Variants in NUP214 observed in about 807,000 individuals in gnomAD.
NUP214 encodes the protein nucleoporin 214, also known as nuclear pore complex protein Nup214.
A neutral mutation model predicts 196.2 loss-of-function variants in NUP214; 79 were observed. The observed-to-expected ratio is 0.40, with a 90% CI of 0.34 to 0.49. The LOEUF (loss-of-function observed/expected upper bound fraction) is 0.49. Among genes scored for constraint, NUP214 ranks in the 20% least tolerant of loss-of-function variants. NUP214 has a pLI of 0.58. For synonymous variants in NUP214, 1,020 were observed against 990.5 expected, an observed-to-expected ratio of 1.03 and a Z score of -0.56; for missense variants, 2,468 against 2,539.0, an observed-to-expected ratio of 0.97 and a Z score of 0.60.
chr9:131,159,197 A>G (rs1832550032), intron 17 of NUP214, 186 bp from the exon 18 acceptor site: 1 of 585,770 alleles, frequency 1.7e-6, no homozygotes, highest in South Asian at 2.1e-5. Flanking sequence ...TATAGGCCTG[A>G]GCCACTACAC....
intron 7 of NUP214, among the ~76,000 whole-genome samples, chr9:131,134,144 C>T (rs1303233064): frequency 1.3e-5 from 2 of 152,106 alleles, no homozygotes; most frequent in Admixed American, 1.3e-4. Context: ...TAGGGTCTTG[C>T]TTTGTTGCCC....
chr9:131,135,431 G>A (rs1831694384), intron 8 of NUP214, among the ~76,000 whole-genome samples: 1 of 152,112 alleles, frequency 6.6e-6, no homozygotes, highest in Non-Finnish European at 1.5e-5. Context: ...ATTTTCAGCT[G>A]ATTCTTGATA....
At chr9:131,193,624 CTTTTCTTTTTTTTTTTTTT>C (rs1833677136) in intron 27 of NUP214, among the ~76,000 whole-genome samples, 2 of 17,658 alleles carry the variant, frequency 1.1e-4, no homozygotes, top group Admixed American at 9.1e-4. Context: ...ATTCTTCTTC[CTTTTCTTTTTTTTTTTTTT>C]TTTTTTTTTT....
Position 131,169,038 on chromosome 9 carries a change from T to TTG in NUP214, c.2893+4895_2893+4896insGT, listed in dbSNP as rs1056427173. ...CTGCTTACTTTGTTTTTTTTTGTTT[T>TTG]TTTTTTTTTTTTGGAGACAGAATCT... On this transcript the variant is annotated intron_variant, in intron 21 of 35. Transcript: ENST00000359428. Among the ~76,000 whole-genome samples, 8 of 146,978 alleles carry TTG rather than the reference T, an allele frequency of 5.4e-5. 1 individual carries two copies. Among genetic ancestry groups the TTG allele is most frequent in the African/African-American group, 2.0e-4 (8 of 40,046 alleles).
intron 9 of NUP214, chr9:131,136,324 T>TAC (rs1329233090): frequency 4.5e-6 from 1 of 220,108 alleles, no homozygotes; most frequent in Non-Finnish European, 9.1e-6. Flanking sequence ...GGTTAAGGTA[T>TAC]ACATGATCTC....
rs553080698 is a variant in NUP214, at chr9:131,232,548, A to G, written c.6239+240A>G. The G allele has an allele frequency of 7.0e-5, 41 of 587,982 alleles. No homozygotes were observed. Among genetic ancestry groups the G allele is most frequent in the East Asian group, 4.9e-4 (17 of 34,630 alleles). The allele number at this position is 587,982 out of a possible 1,614,324, so 36.4% of individuals were successfully genotyped here. The stretch of plus-strand genomic sequence containing the variant: ...AAGAGGCGTGGTTCAAAGAGAAAAG[A>G]GCACGCCTGCCAGTGAGCTGGGCCT... On this transcript the variant is annotated intron_variant, in intron 35 of 35. Transcript: ENST00000359428. The surrounding 1 kb of genome is among the most constrained non-coding windows in gnomAD (Gnocchi z 5.1).
chr9:131,193,629 C>CTTTTTTTTTTTTTTT (rs71389402), intron 27 of NUP214, among the ~76,000 whole-genome samples: 584 of 28,234 alleles, frequency 0.021, 211 homozygotes, highest in Middle Eastern at 0.05. Context: ...TCTTCCTTTT[C>CTTTTTTTTTTTTTTT]TTTTTTTTTT....
intron 25 of NUP214, among the ~76,000 whole-genome samples, chr9:131,188,406 CTCTCACT>C (rs1168099183): frequency 1.3e-5 from 2 of 152,218 alleles, no homozygotes; most frequent in Non-Finnish European, 2.9e-5. Flanking sequence ...GTTCTGGTTT[CTCTCACT>C]ACTCTTACAT....
rs373361188 is a variant in NUP214 at position 131,151,738 on chromosome 9, G to A, written c.2280G>A (p.Ser760=). Residue 760 remains serine (S), a splice_region_variant and synonymous_variant, in exon 17 of 36, where the codon TCG becomes TCA. Transcript: ENST00000359428. ...FLLEIKETTE[S]LHGDISSLKT... The stretch of plus-strand genomic sequence containing the variant: ...ACACATTATTGTACTTTTTCTAGTC[G>A]CTTCATGGAGATATAAGTAGCCTGA... 345 of 1,596,910 alleles carry A rather than the reference G, an allele frequency of 2.2e-4. 1 individual carries two copies. The East Asian group carries it at 3.1e-3, about 14-fold the overall frequency.
At position 131,174,262 on chromosome 9, in the gene NUP214, C is replaced by T. The variant is rs759558468; in HGVS notation, c.3101C>T (p.Pro1034Leu). 1.1e-5 allele frequency: 17 copies of T among 1,613,924 alleles called. No individual in the cohort carries two copies. Among genetic ancestry groups the T allele is most frequent in the Non-Finnish European group, 1.4e-5 (16 of 1,179,958 alleles). The change falls in exon 22 of 36, where the codon CCT becomes CTT. Residue 1034 changes from proline to leucine, a missense_variant. Physicochemically the swap from Pro to Leu is moderately conservative, Grantham distance 98. Transcript: ENST00000359428. Reference sequence around the variant, plus strand: ...CCCAGTCTCTTGCCCCATGCAGCACCTTTTGCTAAATCTCACCTGGTTCAT... The same window carrying T: ...CCCAGTCTCTTGCCCCATGCAGCACTTTTTGCTAAATCTCACCTGGTTCAT... ...IQPSLLPHAA[P>L]FAKSHLVHGS...
chr9:131,159,378 T>C lies in NUP214; in HGVS notation c.2437-5T>C, dbSNP rs1226207283. 3.7e-6 allele frequency: 6 copies of C among 1,609,616 alleles called. No homozygotes were observed. The East Asian group carries it at 1.1e-4, about 30-fold the overall frequency. ...GTTATTTGCCTTTTAATTTTTTTCT[T>C]ATAGGAAATTCGGCGCCTTCATCAG... On this transcript the variant is annotated splice_polypyrimidine_tract_variant and splice_region_variant and intron_variant, in intron 17 of 35. Transcript: ENST00000359428.
At chr9:131,167,405 C>T (rs1832814783) in intron 21 of NUP214, 1 of 152,144 alleles carries the variant, frequency 6.6e-6, no homozygotes, top group Non-Finnish European at 1.5e-5. Context: ...ACATGTGCTG[C>T]TTTCAGTTTA....
At chr9:131,162,752 G>C in intron 18 of NUP214, 3 of 506,282 alleles carry the variant, frequency 5.9e-6, no homozygotes, top group Non-Finnish European at 7.0e-6. Flanking sequence ...AATGTATGCT[G>C]TCCTTTGCTA....
At chr9:131,134,868 G>C (rs749872210) in intron 7 of NUP214, 30 bp from the exon 8 acceptor site, 14 of 1,494,824 alleles carry the variant, frequency 9.4e-6, no homozygotes, top group Middle Eastern at 3.4e-4. Context: ...TTGCACATGA[G>C]AATTTTTTTT....
chr9:131,155,067 T>C (rs1832394815), intron 17 of NUP214, among the ~76,000 whole-genome samples: 1 of 152,234 alleles, frequency 6.6e-6, no homozygotes, highest in Admixed American at 6.5e-5. Context: ...GAAATCTCCA[T>C]ATTGTTTTCT....
chr9:131,130,139 TTTTTTTTTTTTG>T (rs1564176262), intron 4 of NUP214, among the ~76,000 whole-genome samples: 3 of 99,880 alleles, frequency 3.0e-5, no homozygotes, highest in Non-Finnish European at 4.3e-5. Flanking sequence ...CTGGTTTTGT[TTTTTTTTTTTTG>T]TTTTTTTTTT....
At chr9:131,229,292 C>G in intron 33 of NUP214, 1 of 166,762 alleles carries the variant, frequency 6.0e-6, no homozygotes, top group Non-Finnish European at 1.3e-5. Context: ...GCTGCTTCTC[C>G]TGTTTCACGG....
At chr9:131,140,358 T>C (rs969862613) in intron 10 of NUP214, among the ~76,000 whole-genome samples, 191 bp from the exon 11 acceptor site, 4 of 152,098 alleles carry the variant, frequency 2.6e-5, no homozygotes, top group Non-Finnish European at 5.9e-5. Flanking sequence ...GGCGATCTGA[T>C]AGCGGCAGGA....
At position 131,129,298 on chromosome 9, in the gene NUP214, C is replaced by T. The variant is rs774263619; in HGVS notation, c.413C>T (p.Pro138Leu). 1.2e-6 allele frequency: 2 copies of T among 1,614,108 alleles called. No individual in the cohort carries two copies. Reference sequence around the variant, plus strand: ...TAAAAGGCTAAACAGCAAAAACGCCCATTTGCCTATCATAAGCTTTTGAAA... The same window carrying T: ...TAAAAGGCTAAACAGCAAAAACGCCTATTTGCCTATCATAAGCTTTTGAAA... ...FSNEAKQQKRPFAYHKLLKDA... is the reference protein window; with the variant it reads ...FSNEAKQQKRLFAYHKLLKDA... The change falls in exon 4 of 36, where the codon CCA becomes CTA. Residue 138 changes from proline (P) to leucine (L), a missense_variant. Physicochemically the swap from Pro to Leu is moderately conservative, Grantham distance 98 (BLOSUM62 -3). Transcript: ENST00000359428.
Sources: allele counts gnomAD v4.1 joint callset (sites outside exome capture counted in the v4.1 genomes callset), GRCh38; gene constraint gnomAD v4.1.1; non-coding constraint Gnocchi (gnomAD v3.1); transcripts MANE v1.5; gene names NCBI Gene and HGNC (gene_info 2026-07-23, HGNC 2026-07-21).